Variants in SCLT1 observed in about 807,000 individuals in gnomAD.
SCLT1 encodes the protein sodium channel and clathrin linker 1.
SCLT1 carries 78 observed loss-of-function variants against 112.8 expected under a neutral mutation model. That is an observed-to-expected ratio of 0.69 (90% confidence interval 0.58 to 0.83). The LOEUF is 0.83. SCLT1 is among the 40% of genes least tolerant of loss of function. The probability of loss-of-function intolerance (pLI) is 0.00; values close to 1 mark genes in which losing one functional copy is unlikely to be tolerated. For missense variants in SCLT1, 747 were observed against 770.4 expected (o/e 0.97, Z 0.36); for synonymous variants, 257 against 254.7 (o/e 1.01, Z -0.09).
At chr4:128,976,438 A>T (rs998887204) in intron 9 of SCLT1, among the ~76,000 whole-genome samples, 1 of 152,228 alleles carries the variant, frequency 6.6e-6, no homozygotes, top group Admixed American at 6.5e-5. Context: ...ATAATCTATT[A>T]TTGATCAGAC....
chr4:128,965,923 C>T (rs112503283), intron 10 of SCLT1, among the ~76,000 whole-genome samples: 2,916 of 151,354 alleles, frequency 0.019, 104 homozygotes, highest in African/African-American at 0.063. Context: ...CCTCTGCTGC[C>T]CAGGTTCAAG....
At chr4:128,979,786 T>C (rs1194028355) in intron 9 of SCLT1, among the ~76,000 whole-genome samples, 1 of 152,210 alleles carries the variant, frequency 6.6e-6, no homozygotes, top group Non-Finnish European at 1.5e-5. Context: ...CATCTACTCT[T>C]AGAGGCAAAA....
chr4:129,067,877 G>C (rs1172097361), intron 2 of SCLT1, among the ~76,000 whole-genome samples: 4 of 151,676 alleles, frequency 2.6e-5, no homozygotes, highest in Non-Finnish European at 4.4e-5. Context: ...CTGGGGAACA[G>C]GTGGTGTTTG....
chr4:129,078,066 T>A (rs1401594667), intron 2 of SCLT1, among the ~76,000 whole-genome samples: 1 of 152,210 alleles, frequency 6.6e-6, no homozygotes, highest in Non-Finnish European at 1.5e-5. Context: ...AACAGTATGT[T>A]ACCACTAAAG....
At chr4:129,026,000 C>T (rs1170451422) in intron 5 of SCLT1, among the ~76,000 whole-genome samples, 1 of 152,162 alleles carries the variant, frequency 6.6e-6, no homozygotes, top group African/African-American at 2.4e-5. Flanking sequence ...GAAGAGCTAA[C>T]TATCCTAAAT....
At chr4:128,983,326 T>C (rs1741829771) in intron 9 of SCLT1, among the ~76,000 whole-genome samples, 1 of 152,162 alleles carries the variant, frequency 6.6e-6, no homozygotes, top group Non-Finnish European at 1.5e-5. Context: ...TGGAAAATAA[T>C]TATCATCATA....
intron 18 of SCLT1, among the ~76,000 whole-genome samples, chr4:128,917,280 T>G (rs1735553865): frequency 6.6e-6 from 1 of 152,192 alleles, no homozygotes; most frequent in South Asian, 2.1e-4. Context: ...TCTCTTGATC[T>G]GCATCTGGCC....
intron 2 of SCLT1, among the ~76,000 whole-genome samples, chr4:129,067,649 A>G (rs1330327914): frequency 6.6e-6 from 1 of 151,774 alleles, no homozygotes; most frequent in African/African-American, 2.4e-5. Flanking sequence ...TAGCTGGGAT[A>G]ACAGGTGCAT....
At chr4:129,053,294 C>A (rs762053201) in intron 2 of SCLT1, among the ~76,000 whole-genome samples, 1 of 152,078 alleles carries the variant, frequency 6.6e-6, no homozygotes, top group Non-Finnish European at 1.5e-5. Context: ...TGTTAATTTT[C>A]TGTCTTATCG....
At chr4:128,883,408 G>A (rs1732691668), downstream of SCLT1, among the ~76,000 whole-genome samples, 1 of 151,960 alleles carries the variant, frequency 6.6e-6, no homozygotes, top group African/African-American at 2.4e-5. Flanking sequence ...GCCTGTCGAG[G>A]GGTGAAAGGG....
At chr4:129,023,663 C>A (rs746544783) in intron 5 of SCLT1, among the ~76,000 whole-genome samples, 1 of 152,144 alleles carries the variant, frequency 6.6e-6, no homozygotes, top group Non-Finnish European at 1.5e-5. Context: ...GTTCATCTCA[C>A]TAGGGGGTGC....
chr4:128,947,010 GC>G (rs1478899162), intron 15 of SCLT1, among the ~76,000 whole-genome samples: 2 of 152,146 alleles, frequency 1.3e-5, no homozygotes, highest in African/African-American at 4.8e-5. Context: ...AATCTAGACT[GC>G]CTGGCCAAGT....
At chr4:128,891,801 C>T (rs150155335) in intron 18 of SCLT1, among the ~76,000 whole-genome samples, 2,492 of 151,972 alleles carry the variant, frequency 0.016, 76 homozygotes, top group African/African-American at 0.057. Context: ...TGCACCACCA[C>T]GCCTGGATAA....
chr4:128,898,316 A>T (rs1733962267), intron 18 of SCLT1, among the ~76,000 whole-genome samples: 1 of 152,242 alleles, frequency 6.6e-6, no homozygotes, highest in South Asian at 2.1e-4. Flanking sequence ...AAATTATAAC[A>T]AACTGTCTCT....
intron 9 of SCLT1, among the ~76,000 whole-genome samples, chr4:128,975,040 CT>C (rs34603915): frequency 0.12 from 10,724 of 87,054 alleles, 1,496 homozygotes; most frequent in Middle Eastern, 0.22. Context: ...TGAATGACAA[CT>C]TTTTTTTTTT....
chr4:129,023,891 G>A (rs573372487), intron 5 of SCLT1, among the ~76,000 whole-genome samples: 9 of 152,328 alleles, frequency 5.9e-5, no homozygotes, highest in South Asian at 4.1e-4. Flanking sequence ...ATTATATCCC[G>A]CACCTGGCTT....
chr4:129,026,006 T>G (rs1403842561), intron 5 of SCLT1, among the ~76,000 whole-genome samples: 5 of 152,164 alleles, frequency 3.3e-5, no homozygotes, highest in African/African-American at 1.2e-4. Context: ...CTAACTATCC[T>G]AAATATATAT....
Position 128,959,642 on chromosome 4 carries a change from A to G in SCLT1, c.1005T>C (p.Asn335=). The change falls in exon 12 of 21, where the codon AAT becomes AAC. Residue 335 remains asparagine (N), a synonymous_variant. Transcript: ENST00000281142. The part of the protein sequence containing the change: ...ERYEAIVRAR[N]SMQLLEEANL... The stretch of plus-strand genomic sequence containing the variant: ...TAGCTTCTTCTAAGAGTTGCATGCT[A>G]TTTCTGGCTCTTACAATAGCCTCAT... The G allele has an allele frequency of 6.2e-7, 1 of 1,613,370 alleles. No homozygotes were observed. Among genetic ancestry groups the G allele is most frequent in the Non-Finnish European group, 8.5e-7 (1 of 1,179,634 alleles).
At chr4:129,092,182 T>G (rs559965110) in intron 1 of SCLT1, among the ~76,000 whole-genome samples, 1 of 152,284 alleles carries the variant, frequency 6.6e-6, no homozygotes, top group African/African-American at 2.4e-5. Context: ...TGGTCCATAC[T>G]CCTTAGCACA....
Sources: allele counts gnomAD v4.1 joint callset (sites outside exome capture counted in the v4.1 genomes callset), GRCh38; gene constraint gnomAD v4.1.1; transcripts MANE v1.5; gene names NCBI Gene and HGNC (gene_info 2026-07-23, HGNC 2026-07-21).